KITLG: variants seen among roughly 807,000 people sequenced by gnomAD.
KITLG encodes the protein c-Kit ligand.
KITLG carries 13 observed loss-of-function variants against 34.1 expected under a neutral mutation model. The observed-to-expected ratio is 0.38, with a 90% CI of 0.25 to 0.61. KITLG has a LOEUF of 0.61. Ranked by LOEUF, KITLG falls within the 20% of genes least tolerant of loss-of-function variation. The pLI is 0.60. For missense variants in KITLG, 292 were observed against 318.9 expected (o/e 0.92, Z 0.64); for synonymous variants, 110 against 104.0 (o/e 1.06, Z -0.35).
At chr12:88,559,791 A>T (rs1017250816) in intron 1 of KITLG, among the ~76,000 whole-genome samples, 1 of 152,236 alleles carries the variant, frequency 6.6e-6, no homozygotes, top group Non-Finnish European at 1.5e-5. Context: ...CAGCTGAAAC[A>T]CAGCAAAGCA....
In KITLG at chr12:88,494,686, G is replaced by C. The variant is rs550090876; in HGVS notation, c.*2533C>G. ...AAATAGACCTGGTTTCTACCAAAGA[G>C]GTGCAAAGCTTTCAGTATCATTGAG... On this transcript the variant is annotated 3_prime_UTR_variant, in exon 10 of 10. Coordinates refer to ENST00000644744, the MANE Select transcript of KITLG (RefSeq NM_000899.5). 1 of 152,310 alleles carries C rather than the reference G, an allele frequency of 6.6e-6. No homozygotes were observed. The highest frequency in any genetic ancestry group is 6.6e-5 in the Admixed American group (1 of 15,208). The allele number at this position is 152,310 out of a possible 1,614,324, so 9.4% of individuals were successfully genotyped here. A position where few individuals can be genotyped will look rare whatever the true frequency, so the allele number is the denominator to read the frequency against.
intron 6 of KITLG, among the ~76,000 whole-genome samples, chr12:88,510,851 CA>C (rs570047877): frequency 1.3e-5 from 2 of 152,060 alleles, no homozygotes; most frequent in Admixed American, 1.3e-4. Flanking sequence ...ACCCTTCTCC[CA>C]AAAAAGTCTT....
At chr12:88,573,032 C>T (rs1019230177) in intron 1 of KITLG, among the ~76,000 whole-genome samples, 1 of 152,156 alleles carries the variant, frequency 6.6e-6, no homozygotes. Flanking sequence ...AATGTGTTTA[C>T]TATTTCAGAA....
At chr12:88,538,645 A>G (rs1405847371) in intron 2 of KITLG, among the ~76,000 whole-genome samples, 1 of 152,156 alleles carries the variant, frequency 6.6e-6, no homozygotes, top group Non-Finnish European at 1.5e-5. Flanking sequence ...ACTGGAAACT[A>G]GAAAAGCAGG....
At chr12:88,519,499 T>C (rs969899627) in intron 3 of KITLG, among the ~76,000 whole-genome samples, 1 of 152,176 alleles carries the variant, frequency 6.6e-6, no homozygotes, top group African/African-American at 2.4e-5. Context: ...GTAACAAAAA[T>C]ATTGTACTCA....
At chr12:88,497,293 G>T in intron 9 of KITLG, 112 bp from the exon 10 acceptor site, 1 of 252,850 alleles carries the variant, frequency 4.0e-6, no homozygotes, top group Admixed American at 5.0e-5. Flanking sequence ...AATTTGCAAT[G>T]TATGCTTCAC....
intron 3 of KITLG, among the ~76,000 whole-genome samples, chr12:88,520,337 T>G (rs1424761916): frequency 6.6e-6 from 1 of 152,244 alleles, no homozygotes; most frequent in Admixed American, 6.5e-5. Flanking sequence ...GCAAGTTTCT[T>G]TCCTTTTAGG....
rs1310492482 is a variant in KITLG, at chr12:88,494,207, A to T, written c.*3012T>A. ...TTGCAACATCCATCCCACCATGCCA[A>T]AATGCATTTTTGAAGAATATATTTT... On this transcript the variant is annotated 3_prime_UTR_variant, in exon 10 of 10. Transcript: ENST00000644744. The T allele has an allele frequency of 6.6e-6, 1 of 151,942 alleles. No individual in the cohort carries two copies. Among genetic ancestry groups the T allele is most frequent in the Admixed American group, 6.6e-5 (1 of 15,220 alleles). 9.4% of individuals were successfully genotyped at this position (151,942 alleles called of 1,614,324 possible). A position where few individuals can be genotyped will look rare whatever the true frequency, so the allele number is the denominator to read the frequency against.
intron 1 of KITLG, chr12:88,579,994 G>T (rs1324961312): frequency 1.7e-6 from 1 of 582,830 alleles, no homozygotes; most frequent in East Asian, 2.8e-5. Flanking sequence ...CGGGAATTAC[G>T]GTTTCCGACT....
rs745399692 is a variant in KITLG at position 88,507,085 on chromosome 12, T to C, written c.657A>G (p.Ala219=). 1 of 1,613,896 alleles carries C rather than the reference T, an allele frequency of 6.2e-7. No individual in the cohort carries two copies. Among genetic ancestry groups the C allele is most frequent in the Non-Finnish European group, 8.5e-7 (1 of 1,179,814 alleles). ...GDSSLHWAAM[A]LPALFSLIIG... ...TTATAAGAGAAAACAATGCTGGCAA[T>C]GCCATGGCTGCCCAGTGTAGGCTGG... is the stretch of plus-strand genomic sequence containing the variant. Residue 219 remains alanine (A), a synonymous_variant, in exon 7 of 10, where the codon GCA becomes GCG. Transcript: ENST00000644744.
chr12:88,506,405 G>A (rs1437385170), intron 7 of KITLG, 27 bp from the exon 8 acceptor site: 2 of 1,495,068 alleles, frequency 1.3e-6, no homozygotes, highest in African/African-American at 1.4e-5. Flanking sequence ...GACATATACT[G>A]TAAAATAATC....
chr12:88,540,765 T>A (rs1197190251), intron 2 of KITLG, among the ~76,000 whole-genome samples: 1 of 152,122 alleles, frequency 6.6e-6, no homozygotes, highest in Non-Finnish European at 1.5e-5. Flanking sequence ...CTATCTAGAG[T>A]TTTAATAAAT....
At chr12:88,518,616 C>T (rs1869542146) in intron 4 of KITLG, 81 bp downstream of exon 4, 1 of 1,085,942 alleles carries the variant, frequency 9.2e-7, no homozygotes, top group Non-Finnish European at 1.4e-6. Flanking sequence ...ATAAAGGTGC[C>T]TCATTTTCCC....
intron 2 of KITLG, among the ~76,000 whole-genome samples, chr12:88,541,869 A>C (rs1870531838): frequency 6.6e-6 from 1 of 152,212 alleles, no homozygotes; most frequent in African/African-American, 2.4e-5. Context: ...GTGACATGAG[A>C]ATCACTTCAA....
chr12:88,512,177 T>A (rs1444647914), intron 6 of KITLG, among the ~76,000 whole-genome samples: 1 of 152,088 alleles, frequency 6.6e-6, no homozygotes, highest in African/African-American at 2.4e-5. Flanking sequence ...AGTATGCAGA[T>A]GGAAAATTCC....
At chr12:88,515,061 G>T (rs1447365933) in intron 6 of KITLG, among the ~76,000 whole-genome samples, 1 of 151,658 alleles carries the variant, frequency 6.6e-6, no homozygotes, top group Non-Finnish European at 1.5e-5. Context: ...TTCCAAATGC[G>T]CAATAGTAAA....
intron 1 of KITLG, among the ~76,000 whole-genome samples, chr12:88,562,100 T>C (rs1871316439): frequency 6.6e-6 from 1 of 152,238 alleles, no homozygotes; most frequent in African/African-American, 2.4e-5. Flanking sequence ...ATATTATTCT[T>C]ATCCGTCATT....
chr12:88,567,246 T>C (rs1369005847), intron 1 of KITLG, among the ~76,000 whole-genome samples: 1 of 152,222 alleles, frequency 6.6e-6, no homozygotes, highest in Non-Finnish European at 1.5e-5. Flanking sequence ...CCAAAATTAC[T>C]TCCCACATTT....
At chr12:88,525,745 A>G (rs916197016) in intron 3 of KITLG, among the ~76,000 whole-genome samples, 3 of 152,194 alleles carry the variant, frequency 2.0e-5, no homozygotes, top group African/African-American at 7.2e-5. Flanking sequence ...CAAGATAATA[A>G]ACTAAAAGAT....
Sources: gnomAD v4.1 joint callset for allele counts (sites outside exome capture counted in the v4.1 genomes callset) on GRCh38, gnomAD v4.1.1 for gene constraint, MANE v1.5 for transcripts, NCBI Gene and HGNC (gene_info 2026-07-23, HGNC 2026-07-21) for gene names.